The following AIMP2 variants were observed in gnomAD, a reference collection of about 807,000 sequenced individuals.
AIMP2 encodes the protein aminoacyl tRNA synthetase complex interacting multifunctional protein 2, also known as aminoacyl tRNA synthase complex-interacting multifunctional protein 2.
AIMP2 carries 20 observed loss-of-function variants against 23.4 expected under a neutral mutation model. The ratio of observed to expected loss-of-function variants is 0.85; its 90% CI spans 0.60 to 1.24. The LOEUF (loss-of-function observed/expected upper bound fraction) is 1.24. AIMP2 is among the 50% of genes most tolerant of loss of function. AIMP2 has a pLI of 0.00. For synonymous variants in AIMP2, 210 were observed against 170.4 expected (o/e 1.23, Z -1.81); for missense variants, 515 against 414.5 (o/e 1.24, Z -2.10).
chr7:6,012,856 C>G, intron 1 of AIMP2: 2 of 995,790 alleles, frequency 2.0e-6, no homozygotes, highest in Middle Eastern at 1.0e-3. Flanking sequence ...CTAGCCAGCA[C>G]TCAATAATTT....
intron 3 of AIMP2, among the ~76,000 whole-genome samples, chr7:6,019,837 C>G (rs935215171): frequency 3.9e-5 from 6 of 151,998 alleles, no homozygotes; most frequent in Admixed American, 3.3e-4. Flanking sequence ...TCCTGGCCAA[C>G]ATGGTGAAAC....
At position 6,023,369 on chromosome 7, in the gene AIMP2, C is replaced by T. The variant is rs1787586570; in HGVS notation, c.641C>T (p.Ala214Val). Residue 214 changes from alanine (A) to valine (V), a missense_variant, in exon 4 of 4, where the codon GCA (alanine) becomes GTA (valine). Transcript: ENST00000223029. ...CCCATCGAAGGCGAAGGGAACATTGCACGTTTCTTGTTCTCTCTGTTTGGC... is the reference window on the plus strand; with the variant it reads ...CCCATCGAAGGCGAAGGGAACATTGTACGTTTCTTGTTCTCTCTGTTTGGC... ...MCPIEGEGNIARFLFSLFGQK... is the reference protein window; with the variant it reads ...MCPIEGEGNIVRFLFSLFGQK... 4.3e-6 allele frequency: 7 copies of T among 1,614,002 alleles called. No individual in the cohort carries two copies. The highest frequency in any genetic ancestry group is 5.9e-6 in the Non-Finnish European group (7 of 1,179,972).
At chr7:6,021,492 G>A (rs927472219) in intron 3 of AIMP2, among the ~76,000 whole-genome samples, 2 of 152,246 alleles carry the variant, frequency 1.3e-5, no homozygotes, top group Non-Finnish European at 1.5e-5. Context: ...GTGTCCAGAT[G>A]TGCGTGACTT....
chr7:6,010,089 G>C (rs1323634341), intron 1 of AIMP2, among the ~76,000 whole-genome samples: 1 of 148,644 alleles, frequency 6.7e-6, no homozygotes, highest in East Asian at 2.0e-4. Flanking sequence ...CCAAGAGTTT[G>C]AGACCACTCT....
At chr7:6,016,040 C>A (rs1021814034) in intron 2 of AIMP2, among the ~76,000 whole-genome samples, 3 of 152,170 alleles carry the variant, frequency 2.0e-5, no homozygotes, top group African/African-American at 7.2e-5. Context: ...AGAGGCAGCC[C>A]GGACTCTCTC....
chr7:6,009,368 C>T lies in AIMP2; in HGVS notation c.5C>T (p.Pro2Leu). M[P>L]MYQVKPYHGG... ...CCCTTTTGCTTTGGTTCTGCCATGC[C>T]GATGTACCAGGTAAAGCCCTATCAC... The change falls in exon 1 of 4, where the codon CCG (proline) becomes CTG (leucine). Residue 2 changes from proline (P) to leucine (L), a missense_variant. Transcript: ENST00000223029. 5.6e-6 allele frequency: 9 copies of T among 1,611,830 alleles called. No individual in the cohort carries two copies. The highest frequency in any genetic ancestry group is 7.6e-6 in the Non-Finnish European group (9 of 1,180,010).
In AIMP2 at chr7:6,018,040, A is replaced by C. The variant is rs1396282189; in HGVS notation, c.569A>C (p.Lys190Thr). The C allele has an allele frequency of 1.2e-6, 2 of 1,612,542 alleles. No individual in the cohort carries two copies. The highest frequency in any genetic ancestry group is 1.1e-5 in the South Asian group (1 of 90,782). ...CAGCTGGGATTCACTTTAATTTGGA[A>C]GAATGGTAAGTAGACGGGACTGAGT... ...DYQLGFTLIW[K>T]NVPKTQMKFS... Residue 190 changes from lysine to threonine, a missense_variant, in exon 3 of 4, where the codon AAG becomes ACG. By Grantham distance (78) the Lys-to-Thr change is moderately conservative. Transcript: ENST00000223029.
chr7:6,023,354 G>T lies in AIMP2; in HGVS notation c.626G>T (p.Gly209Val). 1.2e-6 allele frequency: 2 copies of T among 1,612,406 alleles called. No homozygotes were observed. The highest frequency in any genetic ancestry group is 1.7e-6 in the Non-Finnish European group (2 of 1,179,542). The change falls in exon 4 of 4, where the codon GGC (glycine) becomes GTC (valine). Residue 209 changes from glycine (G) to valine (V), a missense_variant. Transcript: ENST00000223029. Reference sequence around the variant, plus strand: ...ATCCAGACGATGTGCCCCATCGAAGGCGAAGGGAACATTGCACGTTTCTTG... The same window carrying T: ...ATCCAGACGATGTGCCCCATCGAAGTCGAAGGGAACATTGCACGTTTCTTG... ...FSIQTMCPIE[G>V]EGNIARFLFS... is the part of the protein sequence containing the mutation.
At chr7:6,010,841 C>T (rs1786631670) in intron 1 of AIMP2, among the ~76,000 whole-genome samples, 1 of 150,116 alleles carries the variant, frequency 6.7e-6, no homozygotes, top group Non-Finnish European at 1.5e-5. Context: ...TGAGGTCTTA[C>T]CACATCTCTA....
chr7:6,010,242 A>T (rs1344258298), intron 1 of AIMP2, among the ~76,000 whole-genome samples: 2 of 151,832 alleles, frequency 1.3e-5, no homozygotes, highest in Non-Finnish European at 2.9e-5. Context: ...TGAATAGCAC[A>T]TAAATGCTCA....
intron 3 of AIMP2, among the ~76,000 whole-genome samples, chr7:6,021,504 A>G (rs1209088744): frequency 6.6e-6 from 1 of 152,138 alleles, no homozygotes; most frequent in African/African-American, 2.4e-5. Context: ...GCGTGACTTC[A>G]TAGGATTTAC....
chr7:6,021,424 G>A (rs913476483), intron 3 of AIMP2, among the ~76,000 whole-genome samples: 14 of 151,074 alleles, frequency 9.3e-5, no homozygotes, highest in Admixed American at 4.0e-4. Flanking sequence ...GGCCATCATC[G>A]TATAAAAAGC....
At chr7:6,010,709 A>G (rs1163645804) in intron 1 of AIMP2, among the ~76,000 whole-genome samples, 1 of 152,046 alleles carries the variant, frequency 6.6e-6, no homozygotes, top group Non-Finnish European at 1.5e-5. Context: ...TCGACCTCCC[A>G]AAGTGTTGGG....
Position 6,023,558 on chromosome 7 carries a change from C to G in AIMP2, c.830C>G (p.Ala277Gly). ...PWLAGNELTVADVVLWSVLQQ... is the reference protein window; with the variant it reads ...PWLAGNELTVGDVVLWSVLQQ... ...CTCGCTGGGAATGAACTCACCGTAG[C>G]AGACGTGGTGCTGTGGTCTGTACTC... Residue 277 changes from alanine to glycine, a missense_variant, in exon 4 of 4, where the codon GCA becomes GGA. Coordinates refer to ENST00000223029, the MANE Select transcript of AIMP2 (RefSeq NM_006303.4). 6.2e-7 allele frequency: 1 copy of G among 1,614,258 alleles called. No individual in the cohort carries two copies. The highest frequency in any genetic ancestry group is 8.5e-7 in the Non-Finnish European group (1 of 1,180,046).
At chr7:6,022,870 C>G (rs1787532353) in intron 3 of AIMP2, 1 of 168,514 alleles carries the variant, frequency 5.9e-6, no homozygotes, top group Non-Finnish European at 1.3e-5. Flanking sequence ...AGATGTATGC[C>G]TCTTCTGGTT....
intron 2 of AIMP2, among the ~76,000 whole-genome samples, chr7:6,016,236 A>C (rs764517089): frequency 1.3e-5 from 2 of 152,020 alleles, no homozygotes; most frequent in African/African-American, 4.8e-5. Flanking sequence ...GGCTTCAGCT[A>C]ATTTAGGGGA....
chr7:6,017,796 G>A lies in AIMP2; in HGVS notation c.343-18G>A. 2 of 1,607,058 alleles carry A rather than the reference G, an allele frequency of 1.2e-6. No homozygotes were observed. Among genetic ancestry groups the A allele is most frequent in the Non-Finnish European group, 1.7e-6 (2 of 1,175,566 alleles). Reference sequence around the variant, plus strand: ...CTCCGATGACTGTTATTCGTACATTGTCTTGGTCTTTCCCCAGGATTACGG... The same window carrying A: ...CTCCGATGACTGTTATTCGTACATTATCTTGGTCTTTCCCCAGGATTACGG... On this transcript the variant is annotated intron_variant, in intron 2 of 3. Coordinates refer to ENST00000223029, the MANE Select transcript of AIMP2 (RefSeq NM_006303.4).
At chr7:6,018,889 A>G (rs997093518) in intron 3 of AIMP2, among the ~76,000 whole-genome samples, 5 of 152,028 alleles carry the variant, frequency 3.3e-5, no homozygotes, top group African/African-American at 1.2e-4. Context: ...GAGGCATAAA[A>G]TATTTACATA....
chr7:6,023,190 C>A, intron 3 of AIMP2, 113 bp from the exon 4 acceptor site: 2 of 1,265,670 alleles, frequency 1.6e-6, no homozygotes, highest in Non-Finnish European at 2.2e-6. Context: ...TTGAAAACAC[C>A]CTTTCCCATG....
Sources: gnomAD v4.1 joint callset for allele counts (sites outside exome capture counted in the v4.1 genomes callset) on GRCh38, gnomAD v4.1.1 for gene constraint, MANE v1.5 for transcripts, NCBI Gene and HGNC (gene_info 2026-07-23, HGNC 2026-07-21) for gene names.